FBXO21: variants seen among roughly 807,000 people sequenced by gnomAD.
FBXO21 encodes F-box only protein 21.
In FBXO21, 32 loss-of-function variants were observed where a neutral mutation model predicts 76.6. That is an observed-to-expected ratio of 0.42 (90% CI 0.32 to 0.56). The LOEUF (loss-of-function observed/expected upper bound fraction) is 0.56. Among genes scored for constraint, FBXO21 ranks in the 20% least tolerant of loss-of-function variants. The probability of loss-of-function intolerance (pLI) is 0.16; values close to 1 mark genes in which losing one functional copy is unlikely to be tolerated. For missense variants in FBXO21, 586 were observed against 797.3 expected (o/e 0.73, Z 3.19); for synonymous variants, 328 against 311.5 (o/e 1.05, Z -0.56).
intron 11 of FBXO21, among the ~76,000 whole-genome samples, chr12:117,146,899 G>A (rs1309326360): frequency 6.6e-6 from 1 of 152,082 alleles, no homozygotes; most frequent in Non-Finnish European, 1.5e-5. Flanking sequence ...ACCATCTCTT[G>A]GGAAAACCAT....
chr12:117,165,692 T>A, intron 8 of FBXO21, 75 bp from the exon 9 acceptor site: 1 of 1,424,550 alleles, frequency 7.0e-7, no homozygotes, highest in South Asian at 1.6e-5. Context: ...AAGGCCCAGG[T>A]TTTAAATATA....
intron 11 of FBXO21, among the ~76,000 whole-genome samples, chr12:117,147,961 C>T (rs561737805): frequency 1.3e-5 from 2 of 152,354 alleles, no homozygotes; most frequent in South Asian, 2.1e-4. Context: ...GTAAGGCCAA[C>T]GATGGGCTCA....
At chr12:117,151,863 G>T (rs1955846319) in intron 11 of FBXO21, among the ~76,000 whole-genome samples, 1 of 145,044 alleles carries the variant, frequency 6.9e-6, no homozygotes, top group Non-Finnish European at 1.5e-5. Flanking sequence ...TTTAGGCAAG[G>T]ATATTCAAAA....
chr12:117,174,385 T>C (rs745814475), intron 5 of FBXO21, 44 bp from the exon 6 acceptor site: 2 of 1,605,968 alleles, frequency 1.2e-6, no homozygotes, highest in Non-Finnish European at 1.7e-6. Flanking sequence ...ACAAAAAAGG[T>C]TGTGACAGGT....
chr12:117,188,342 C>G (rs1956306417), intron 2 of FBXO21, among the ~76,000 whole-genome samples: 1 of 152,100 alleles, frequency 6.6e-6, no homozygotes, highest in Non-Finnish European at 1.5e-5. Context: ...ACCAGGTGTT[C>G]AAGACCAGCC....
rs1302774571 is a variant in FBXO21, at chr12:117,144,759, C to T, written c.*1328G>A. ...GGCAGGCCGAGAGTTGGTGGAGCTC[C>T]AGAGCTGCACAAAGGCGTGCAGTTA... On this transcript the variant is annotated 3_prime_UTR_variant, in exon 12 of 12. Transcript: ENST00000622495. The T allele has an allele frequency of 6.6e-6, 1 of 152,184 alleles. No homozygotes were observed. Among genetic ancestry groups the T allele is most frequent in the Non-Finnish European group, 1.5e-5 (1 of 68,038 alleles). 9.4% of individuals were successfully genotyped at this position (152,184 alleles called of 1,614,324 possible).
chr12:117,180,480 T>A (rs147186902), intron 3 of FBXO21, among the ~76,000 whole-genome samples: 14 of 152,338 alleles, frequency 9.2e-5, no homozygotes, highest in African/African-American at 3.4e-4. Flanking sequence ...TATATCTATG[T>A]CTTCTTTATT....
At chr12:117,170,145 G>GAAAA (rs58416861) in intron 7 of FBXO21, among the ~76,000 whole-genome samples, 9 of 64,674 alleles carry the variant, frequency 1.4e-4, no homozygotes, top group African/African-American at 1.9e-4. Flanking sequence ...ATTTACAACT[G>GAAAA]AAAAAAAAAA....
chr12:117,148,516 G>A (rs1411104204), intron 11 of FBXO21, among the ~76,000 whole-genome samples: 1 of 152,248 alleles, frequency 6.6e-6, no homozygotes, highest in East Asian at 1.9e-4. Context: ...AAAGGGCCTG[G>A]AAGGCCATGG....
chr12:117,143,595 A>G lies in FBXO21; in HGVS notation c.*2492T>C, dbSNP rs1327354945. On this transcript the variant is annotated 3_prime_UTR_variant, in exon 12 of 12. Transcript: ENST00000622495. Reference sequence around the variant, plus strand: ...AGATAATTCTCAAAGGTTACTAGTGAGCTGATAAAATTAACGTTTGGCAAG... The same window carrying G: ...AGATAATTCTCAAAGGTTACTAGTGGGCTGATAAAATTAACGTTTGGCAAG... 1 of 152,344 alleles carries G rather than the reference A, an allele frequency of 6.6e-6. No homozygotes were observed. The highest frequency in any genetic ancestry group is 6.5e-5 in the Admixed American group (1 of 15,288). The allele number at this position is 152,344 out of a possible 1,614,324, so 9.4% of individuals were successfully genotyped here. A position where few individuals can be genotyped will look rare whatever the true frequency, so the allele number is the denominator to read the frequency against.
intron 11 of FBXO21, among the ~76,000 whole-genome samples, chr12:117,149,416 A>G (rs1218341387): frequency 6.6e-6 from 1 of 152,186 alleles, no homozygotes; most frequent in Admixed American, 6.5e-5. Flanking sequence ...TGTCATTGGT[A>G]AACAGGACAT....
rs773727244 is a variant in FBXO21, at chr12:117,174,256, G to A, written c.825C>T (p.Phe275=). 6.2e-6 allele frequency: 10 copies of A among 1,613,538 alleles called. No homozygotes were observed. In the East Asian group the frequency reaches 1.8e-4, roughly 29 times the overall value. Reference sequence around the variant, plus strand: ...TATAGTAATCCATTCGATTCCCCTTGAACTTCAGTTGGTCGTAAAGGACAT... The same window carrying A: ...TATAGTAATCCATTCGATTCCCCTTAAACTTCAGTTGGTCGTAAAGGACAT... The part of the protein sequence containing the change: ...MNYVLYDQLK[F]KGNRMDYYNA... The change falls in exon 6 of 12, where the codon TTC becomes TTT. Residue 275 remains phenylalanine, a synonymous_variant. Coordinates refer to ENST00000622495, the MANE Select transcript of FBXO21 (RefSeq NM_015002.3).
intron 7 of FBXO21, among the ~76,000 whole-genome samples, chr12:117,171,668 G>A (rs916045114): frequency 1.3e-5 from 2 of 152,186 alleles, no homozygotes; most frequent in Non-Finnish European, 2.9e-5. Flanking sequence ...TTTGAACCTA[G>A]TTTGACTATA....
At chr12:117,147,226 G>A (rs1955781655) in intron 11 of FBXO21, among the ~76,000 whole-genome samples, 1 of 124,774 alleles carries the variant, frequency 8.0e-6, no homozygotes, top group Admixed American at 9.1e-5. Context: ...TGGACAACAA[G>A]AGCAAAAGTC....
At chr12:117,158,244 C>T (rs1472765718) in intron 9 of FBXO21, among the ~76,000 whole-genome samples, 181 bp from the exon 10 acceptor site, 2 of 152,196 alleles carry the variant, frequency 1.3e-5, no homozygotes, top group Non-Finnish European at 2.9e-5. Flanking sequence ...GCCACCAAAT[C>T]GGCACTGCAG....
chr12:117,189,259 C>T lies in FBXO21; in HGVS notation c.343G>A (p.Ala115Thr), dbSNP rs776517506. Residue 115 changes from alanine to threonine, a missense_variant, in exon 2 of 12, where the codon GCC becomes ACC. Around this residue, in one of 6 missense-constraint regions of FBXO21, gnomAD observed 246 missense variants for 356.8 expected, o/e 0.69. Coordinates refer to ENST00000622495, the MANE Select transcript of FBXO21 (RefSeq NM_015002.3). ...KAGLEARKIV[A>T]SFSKRFFSEH... ...GAAAAGAACCTCTTTGAGAACGAGG[C>T]TACAATCTTCCGCGCTTCTAACCCA... The T allele has an allele frequency of 6.2e-7, 1 of 1,614,202 alleles. No individual in the cohort carries two copies. The highest frequency in any genetic ancestry group is 8.5e-7 in the Non-Finnish European group (1 of 1,180,030).
intron 3 of FBXO21, among the ~76,000 whole-genome samples, chr12:117,178,016 C>A (rs1592892600): frequency 6.6e-6 from 1 of 152,126 alleles, no homozygotes; most frequent in East Asian, 1.9e-4. Flanking sequence ...ATGGTGAGTT[C>A]CTCACGGTTT....
At chr12:117,184,998 G>C (rs1292859884) in intron 3 of FBXO21, among the ~76,000 whole-genome samples, 2 of 152,048 alleles carry the variant, frequency 1.3e-5, no homozygotes, top group East Asian at 1.9e-4. Flanking sequence ...TTACAGAGGT[G>C]GGGGCAGGAA....
chr12:117,174,093 C>T (rs904656), intron 6 of FBXO21, 112 bp downstream of exon 6: 202,516 of 874,040 alleles, frequency 0.23, 25,659 homozygotes, highest in East Asian at 0.43. Context: ...GCTATGATCG[C>T]GCCACTGCAT....
Sources: allele counts gnomAD v4.1 joint callset (sites outside exome capture counted in the v4.1 genomes callset), GRCh38; gene constraint gnomAD v4.1.1; regional missense constraint gnomAD v4.1.1; transcripts MANE v1.5; gene names NCBI Gene and HGNC (gene_info 2026-07-23, HGNC 2026-07-21).